The following RNF220 variants were observed in gnomAD, a reference collection of about 807,000 sequenced individuals.
RNF220 encodes the protein E3 ubiquitin-protein ligase RNF220.
Under a neutral mutation model 67.1 loss-of-function variants are expected in RNF220, and 7 were observed. The ratio of observed to expected loss-of-function variants is 0.10; its 90% CI spans 0.06 to 0.20. The LOEUF (loss-of-function observed/expected upper bound fraction) is 0.20. RNF220 is among the 10% of genes least tolerant of loss of function. The pLI is 1.00. For synonymous variants in RNF220, 270 were observed against 283.2 expected (o/e 0.95, Z 0.47); for missense variants, 565 against 740.3 (o/e 0.76, Z 2.75).
At position 44,633,818 on chromosome 1, in the gene RNF220, C is replaced by G. The variant is rs188119937; in HGVS notation, c.949+1433C>G. Among the ~76,000 whole-genome samples, 17 of 152,338 alleles carry G rather than the reference C, an allele frequency of 1.1e-4. No individual in the cohort carries two copies. In the East Asian group the frequency reaches 3.3e-3, roughly 29 times the overall value. ...TCTAGAACTCTCAGGGTCCTTTGCT[C>G]AATGCCTTTCTGATGTTTCACGTCC... On this transcript the variant is annotated intron_variant, in intron 6 of 14. Transcript: ENST00000361799.
intron 2 of RNF220, among the ~76,000 whole-genome samples, chr1:44,612,828 C>CAT (rs5773846): frequency 0.01 from 2 of 194 alleles, no homozygotes; most frequent in Non-Finnish European, 0.1. Flanking sequence ...CTGGCAACCC[C>CAT]TTAGGCAACC....
rs1416378148 is a variant in RNF220 at position 44,632,542 on chromosome 1, C to T, written c.949+157C>T. 4.2e-6 allele frequency: 3 copies of T among 718,036 alleles called. No individual in the cohort carries two copies. In the African/African-American group the frequency reaches 5.3e-5, roughly 13 times the overall value. 44.5% of individuals were successfully genotyped at this position (718,036 alleles called of 1,614,324 possible). Reference sequence around the variant, plus strand: ...CTGAGTATGTGCAAACCAAAGCTGCCGCTCTCAGTTTCCCCGTCTGTCTAA... The same window carrying T: ...CTGAGTATGTGCAAACCAAAGCTGCTGCTCTCAGTTTCCCCGTCTGTCTAA... On this transcript the variant is annotated intron_variant, in intron 6 of 14. Coordinates refer to ENST00000361799, the MANE Select transcript of RNF220 (RefSeq NM_018150.4).
intron 2 of RNF220, among the ~76,000 whole-genome samples, chr1:44,589,867 A>G (rs1176942309): frequency 1.3e-5 from 2 of 152,178 alleles, no homozygotes; most frequent in Non-Finnish European, 1.5e-5. Context: ...CCTTGACTCA[A>G]GGTGCTCGTG....
rs148665220 is a variant in RNF220 at position 44,636,093 on chromosome 1, T to C, written c.1057T>C (p.Phe353Leu). 7.9e-5 allele frequency: 128 copies of C among 1,614,030 alleles called. No individual in the cohort carries two copies. The African/African-American group carries it at 1.6e-3, about 21-fold the overall frequency. ...VDIEHENNNRFEEYEWCGQKR... is the reference protein window; with the variant it reads ...VDIEHENNNRLEEYEWCGQKR... ...CATCGAGCATGAGAACAACAACCGC[T>C]TTGAGGAGTATGAGTGGTGTGGACA... Residue 353 changes from phenylalanine to leucine, a missense_variant, in exon 8 of 15, where the codon TTT becomes CTT. By Grantham distance (22) the Phe-to-Leu change is conservative. Transcript: ENST00000361799.
intron 2 of RNF220, among the ~76,000 whole-genome samples, chr1:44,431,658 G>T (rs151126195): frequency 3.9e-5 from 6 of 152,258 alleles, no homozygotes; most frequent in African/African-American, 1.4e-4. Flanking sequence ...TTAAGTTGGC[G>T]CTAGAGCCAC....
chr1:44,557,194 T>TA (rs1383847548), intron 2 of RNF220, among the ~76,000 whole-genome samples: 6 of 140,984 alleles, frequency 4.3e-5, no homozygotes, highest in African/African-American at 1.7e-4. Context: ...TAATATATAT[T>TA]TTATATATAT....
intron 2 of RNF220, among the ~76,000 whole-genome samples, chr1:44,538,948 C>G (rs1281943114): frequency 6.9e-6 from 1 of 145,584 alleles, no homozygotes; most frequent in Non-Finnish European, 1.5e-5. Flanking sequence ...AGGCTGGGCG[C>G]GGTGGATCAT....
chr1:44,621,018 C>T lies in RNF220; in HGVS notation c.759-1724C>T, dbSNP rs1481549274. On this transcript the variant is annotated intron_variant, in intron 3 of 14. Coordinates refer to ENST00000361799, the MANE Select transcript of RNF220 (RefSeq NM_018150.4). This position sits in a 1 kb window ranked among gnomAD's most constrained non-coding sequence, Gnocchi z 4.8. ...CCAACTTCTCCCTCCTGGATTCAAG[C>T]GATTCTCCTGCCTCAGCCTCCCGAG... Among the ~76,000 whole-genome samples, 6 of 151,290 alleles carry T rather than the reference C, an allele frequency of 4.0e-5. No individual in the cohort carries two copies. Among genetic ancestry groups the T allele is most frequent in the African/African-American group, 4.9e-5 (2 of 41,044 alleles).
In RNF220 at chr1:44,412,516, A is replaced by G; in HGVS notation, c.419A>G (p.Lys140Arg). ...TATCAGTCAGCCTTTACGCCGGCCA[A>G]GCGACTTAAGAACTGCCATGACACA... is the stretch of plus-strand genomic sequence containing the variant. ...ESYQSAFTPAKRLKNCHDTES... is the reference protein window; with the variant it reads ...ESYQSAFTPARRLKNCHDTES... The change falls in exon 2 of 15, where the codon AAG becomes AGG. Residue 140 changes from lysine to arginine, a missense_variant. Transcript: ENST00000361799. This position sits in a 1 kb window ranked among gnomAD's most constrained non-coding sequence, Gnocchi z 5.3. 1.2e-6 allele frequency: 2 copies of G among 1,613,894 alleles called. No homozygotes were observed. Among genetic ancestry groups the G allele is most frequent in the Non-Finnish European group, 1.7e-6 (2 of 1,179,828 alleles).
intron 2 of RNF220, among the ~76,000 whole-genome samples, chr1:44,514,802 T>C (rs997092042): frequency 5.9e-5 from 9 of 152,162 alleles, no homozygotes; most frequent in African/African-American, 1.7e-4. Context: ...GAACCACAGA[T>C]TGGGGAGTGG....
intron 2 of RNF220, among the ~76,000 whole-genome samples, chr1:44,456,977 C>G (rs1653252974): frequency 6.6e-6 from 1 of 152,092 alleles, no homozygotes; most frequent in Admixed American, 6.6e-5. Context: ...CACGTCCCCC[C>G]AACCCCTCCT....
At chr1:44,515,385 T>C (rs1413468411) in intron 2 of RNF220, among the ~76,000 whole-genome samples, 1 of 152,160 alleles carries the variant, frequency 6.6e-6, no homozygotes, top group Non-Finnish European at 1.5e-5. Context: ...TGTGTGGTGA[T>C]TATTGTGTTA....
At chr1:44,576,307 G>C (rs1175438322) in intron 2 of RNF220, among the ~76,000 whole-genome samples, 1 of 152,154 alleles carries the variant, frequency 6.6e-6, no homozygotes, top group African/African-American at 2.4e-5. Flanking sequence ...AGTGAACTTT[G>C]TTGGTGAACT....
intron 2 of RNF220, among the ~76,000 whole-genome samples, chr1:44,577,309 G>C (rs1399541452): frequency 6.7e-6 from 1 of 150,180 alleles, no homozygotes; most frequent in African/African-American, 2.5e-5. Context: ...CCTCTTACCC[G>C]CTGCCACCTC....
chr1:44,616,885 C>A (rs1643574250), intron 3 of RNF220, among the ~76,000 whole-genome samples: 1 of 152,188 alleles, frequency 6.6e-6, no homozygotes, highest in Non-Finnish European at 1.5e-5. Flanking sequence ...AGGTGCTCCA[C>A]ACCTGCAATG....
chr1:44,525,102 C>T (rs1055384979), intron 2 of RNF220, among the ~76,000 whole-genome samples: 2 of 152,138 alleles, frequency 1.3e-5, no homozygotes, highest in African/African-American at 4.8e-5. Context: ...AAACATTTCT[C>T]AAGCTGTCTG....
intron 2 of RNF220, among the ~76,000 whole-genome samples, chr1:44,421,669 A>G (rs1649234240): frequency 6.6e-6 from 1 of 152,054 alleles, no homozygotes; most frequent in African/African-American, 2.4e-5. Flanking sequence ...GTCTGTGTGC[A>G]TTCTCCTAGG....
chr1:44,435,773 T>C (rs1650902100), intron 2 of RNF220, among the ~76,000 whole-genome samples: 2 of 152,006 alleles, frequency 1.3e-5, no homozygotes, highest in African/African-American at 4.8e-5. Context: ...CTACTAAAAA[T>C]ATAAAAATTA....
chr1:44,564,360 G>C (rs57551863), intron 2 of RNF220, among the ~76,000 whole-genome samples: 6,706 of 152,138 alleles, frequency 0.044, 472 homozygotes, highest in African/African-American at 0.15. Context: ...CTGAAGCCTG[G>C]ATCTCTCCCC....
Sources: gnomAD v4.1 joint callset for allele counts (sites outside exome capture counted in the v4.1 genomes callset) on GRCh38, gnomAD v4.1.1 for gene constraint, Gnocchi (gnomAD v3.1) non-coding constraint, MANE v1.5 for transcripts, NCBI Gene and HGNC (gene_info 2026-07-23, HGNC 2026-07-21) for gene names.